The following LRRC3B variants were observed in gnomAD, a reference collection of about 807,000 sequenced individuals.
LRRC3B encodes leucine rich repeat containing 3B.
In LRRC3B, 2 loss-of-function variants were observed where a neutral mutation model predicts 12.8. That is an observed-to-expected ratio of 0.16 (90% CI 0.06 to 0.49). The LOEUF is 0.49. Ranked by LOEUF, LRRC3B falls within the 20% of genes least tolerant of loss-of-function variation. The pLI is 0.96. For synonymous variants in LRRC3B, 132 were observed against 122.0 expected (o/e 1.08, Z -0.54); for missense variants, 189 against 319.4 (o/e 0.59, Z 3.11).
chr3:26,676,392 T>C (rs2047616864), intron 1 of LRRC3B, among the ~76,000 whole-genome samples: 1 of 151,862 alleles, frequency 6.6e-6, no homozygotes, highest in Non-Finnish European at 1.5e-5. Flanking sequence ...GCTTCATCCG[T>C]GTCCCTACAA....
At chr3:26,704,964 G>A (rs1451341087) in intron 1 of LRRC3B, among the ~76,000 whole-genome samples, 1 of 152,118 alleles carries the variant, frequency 6.6e-6, no homozygotes, top group Non-Finnish European at 1.5e-5. Flanking sequence ...TAATAGAGTT[G>A]CATAGACTAT....
At chr3:26,675,567 A>G (rs976596323) in intron 1 of LRRC3B, among the ~76,000 whole-genome samples, 3 of 152,226 alleles carry the variant, frequency 2.0e-5, no homozygotes, top group African/African-American at 7.2e-5. Flanking sequence ...TTTGCCAAAC[A>G]GCATGTGAAA....
At chr3:26,640,367 A>G (rs1393885393) in intron 1 of LRRC3B, among the ~76,000 whole-genome samples, 2 of 152,070 alleles carry the variant, frequency 1.3e-5, no homozygotes, top group African/African-American at 4.8e-5. Context: ...CTACTTTAAA[A>G]TAAAACAAAA....
chr3:26,653,497 C>T (rs1699307938), intron 1 of LRRC3B, among the ~76,000 whole-genome samples: 1 of 152,034 alleles, frequency 6.6e-6, no homozygotes, highest in Non-Finnish European at 1.5e-5. Flanking sequence ...CATGTCATTT[C>T]TCACTGACTT....
chr3:26,632,580 A>G (rs144044855), intron 1 of LRRC3B, among the ~76,000 whole-genome samples: 1 of 152,248 alleles, frequency 6.6e-6, no homozygotes, highest in African/African-American at 2.4e-5. Flanking sequence ...TATATATGGT[A>G]GGAAAGGGGT....
intron 1 of LRRC3B, among the ~76,000 whole-genome samples, chr3:26,632,035 G>A (rs1395685621): frequency 1.3e-5 from 2 of 152,194 alleles, no homozygotes; most frequent in East Asian, 3.9e-4. Context: ...AATGATAGAT[G>A]GACACTCTGC....
chr3:26,647,093 A>C (rs1342636429), intron 1 of LRRC3B, among the ~76,000 whole-genome samples: 1 of 152,092 alleles, frequency 6.6e-6, no homozygotes, highest in Non-Finnish European at 1.5e-5. Context: ...TCCTGTTTCC[A>C]AGCTGCTGAA....
intron 1 of LRRC3B, among the ~76,000 whole-genome samples, chr3:26,699,553 G>A (rs1459860085): frequency 6.6e-6 from 1 of 152,110 alleles, no homozygotes; most frequent in Admixed American, 6.6e-5. Flanking sequence ...AGCATCTTGT[G>A]TAAGAAGGAT....
chr3:26,628,450 G>A (rs550993153), intron 1 of LRRC3B, among the ~76,000 whole-genome samples: 2 of 148,392 alleles, frequency 1.3e-5, no homozygotes, highest in East Asian at 3.9e-4. Context: ...GCTCAGAGTA[G>A]GACCTGAGAA....
intron 1 of LRRC3B, among the ~76,000 whole-genome samples, chr3:26,641,405 G>C (rs1263540031): frequency 6.6e-6 from 1 of 152,188 alleles, no homozygotes; most frequent in Non-Finnish European, 1.5e-5. Context: ...TGTGTTAGCT[G>C]AGATGGTGCC....
At chr3:26,626,764 C>A (rs182919561) in intron 1 of LRRC3B, among the ~76,000 whole-genome samples, 1 of 152,080 alleles carries the variant, frequency 6.6e-6, no homozygotes, top group East Asian at 1.9e-4. Flanking sequence ...TAAAACATTG[C>A]AGAATATTTG....
chr3:26,688,404 C>G (rs958942289), intron 1 of LRRC3B, among the ~76,000 whole-genome samples: 1 of 152,154 alleles, frequency 6.6e-6, no homozygotes, highest in Non-Finnish European at 1.5e-5. Flanking sequence ...TCTGTATTAG[C>G]CTATTCCTAG....
At chr3:26,648,160 C>T (rs927877004) in intron 1 of LRRC3B, among the ~76,000 whole-genome samples, 1 of 151,808 alleles carries the variant, frequency 6.6e-6, no homozygotes, top group African/African-American at 2.4e-5. Flanking sequence ...AGGCTTCAAC[C>T]AAGATGTAGT....
intron 1 of LRRC3B, among the ~76,000 whole-genome samples, chr3:26,700,215 C>T (rs777105289): frequency 1.3e-5 from 2 of 152,222 alleles, no homozygotes; most frequent in African/African-American, 4.8e-5. Context: ...ATCAGAGTGG[C>T]CTTTAAGAAA....
At chr3:26,644,541 C>G (rs1699102076) in intron 1 of LRRC3B, among the ~76,000 whole-genome samples, 1 of 152,124 alleles carries the variant, frequency 6.6e-6, no homozygotes, top group Non-Finnish European at 1.5e-5. Context: ...ACGAAAATGT[C>G]AGTGTCATAA....
intron 1 of LRRC3B, among the ~76,000 whole-genome samples, chr3:26,677,311 T>C (rs1699880233): frequency 6.6e-6 from 1 of 152,158 alleles, no homozygotes; most frequent in Admixed American, 6.5e-5. Flanking sequence ...AGTATTCTGG[T>C]GTACTTCCCA....
intron 1 of LRRC3B, among the ~76,000 whole-genome samples, chr3:26,652,676 C>G (rs989488004): frequency 7.2e-5 from 11 of 152,078 alleles, no homozygotes; most frequent in African/African-American, 2.2e-4. Flanking sequence ...CCTTGGATTA[C>G]TCACTTCCAA....
At chr3:26,670,353 T>C (rs1425429595) in intron 1 of LRRC3B, among the ~76,000 whole-genome samples, 3 of 152,224 alleles carry the variant, frequency 2.0e-5, no homozygotes, top group East Asian at 1.9e-4. Flanking sequence ...TAATCCCTTC[T>C]TCTTACCCCA....
chr3:26,628,040 C>T (rs572270626), intron 1 of LRRC3B, among the ~76,000 whole-genome samples: 1 of 152,240 alleles, frequency 6.6e-6, no homozygotes, highest in South Asian at 2.1e-4. Flanking sequence ...CCTCATCTTA[C>T]TTATGTGGTC....
Sources: allele counts gnomAD v4.1 joint callset (sites outside exome capture counted in the v4.1 genomes callset), GRCh38; gene constraint gnomAD v4.1.1; transcripts MANE v1.5; gene names NCBI Gene and HGNC (gene_info 2026-07-23, HGNC 2026-07-21).